The following MROH2B variants were observed in gnomAD, a reference collection of about 807,000 sequenced individuals.
The protein encoded by MROH2B is maestro heat-like repeat-containing protein family member 2B.
Under a neutral mutation model 208.6 loss-of-function variants are expected in MROH2B, and 177 were observed. The observed-to-expected ratio is 0.85, with a 90% CI of 0.75 to 0.96. The LOEUF (loss-of-function observed/expected upper bound fraction) is 0.96. Among genes scored for constraint, MROH2B ranks in the 40% least tolerant of loss-of-function variants. The pLI is 0.00. For missense variants in MROH2B, 2,002 were observed against 1,878.7 expected (o/e 1.07, Z -1.21); for synonymous variants, 728 against 659.0 (o/e 1.10, Z -1.60).
chr5:41,044,564 T>G (rs975171977), intron 18 of MROH2B, among the ~76,000 whole-genome samples: 2 of 152,210 alleles, frequency 1.3e-5, no homozygotes, highest in African/African-American at 4.8e-5. Flanking sequence ...AGCTGTTGAA[T>G]AAATAGCATG....
intron 6 of MROH2B, among the ~76,000 whole-genome samples, chr5:41,060,980 A>T (rs940161557): frequency 6.6e-6 from 1 of 152,238 alleles, no homozygotes; most frequent in Non-Finnish European, 1.5e-5. Flanking sequence ...GCTTAAAAAA[A>T]CTATAGCAAT....
intron 19 of MROH2B, among the ~76,000 whole-genome samples, chr5:41,041,586 T>C (rs1436771180): frequency 3.2e-4 from 48 of 152,176 alleles, no homozygotes. Flanking sequence ...ATCGTGTCAC[T>C]GCACTCCACC....
chr5:41,071,117 C>G lies in MROH2B; in HGVS notation c.-265G>C, dbSNP rs1210333114. ...TAACCAACAAAATGGCTGCATCTCA[C>G]CAAATATTGTCCCTTTGGTGACCAG... On this transcript the variant is annotated 5_prime_UTR_variant, in exon 1 of 42. Coordinates refer to ENST00000399564, the MANE Select transcript of MROH2B (RefSeq NM_173489.5). 4.7e-6 allele frequency: 2 copies of G among 421,072 alleles called. No individual in the cohort carries two copies. The highest frequency in any genetic ancestry group is 4.0e-5 in the African/African-American group (2 of 50,082). The allele number at this position is 421,072 out of a possible 1,614,324, so 26.1% of individuals were successfully genotyped here.
chr5:41,065,531 G>C, intron 3 of MROH2B, 41 bp from the exon 4 acceptor site: 1 of 1,567,056 alleles, frequency 6.4e-7, no homozygotes. Context: ...ACTAGAAAAG[G>C]GGCAGAGTGA....
chr5:41,020,104 T>C (rs13155145), intron 24 of MROH2B, among the ~76,000 whole-genome samples: 100,186 of 151,986 alleles, frequency 0.66, 33,541 homozygotes, highest in Non-Finnish European at 0.7. Flanking sequence ...GTGGCTGATC[T>C]GGATTAAGAT....
chr5:41,042,821 TC>T (rs1386679601), intron 18 of MROH2B, among the ~76,000 whole-genome samples: 1 of 152,178 alleles, frequency 6.6e-6, no homozygotes, highest in Non-Finnish European at 1.5e-5. Flanking sequence ...GCGAGGCTGA[TC>T]TCAGACTCCT....
chr5:41,045,711 A>G, intron 18 of MROH2B, 35 bp downstream of exon 18: 1 of 1,531,940 alleles, frequency 6.5e-7, no homozygotes. Flanking sequence ...GATCATAGGT[A>G]AAAGCTAAGG....
chr5:41,023,353 T>C (rs890184171), intron 24 of MROH2B, among the ~76,000 whole-genome samples: 4 of 152,174 alleles, frequency 2.6e-5, no homozygotes, highest in African/African-American at 9.7e-5. Context: ...TTAAATGACC[T>C]GATGGAGCTG....
At chr5:41,051,905 TTC>T (rs1743296420) in intron 12 of MROH2B, among the ~76,000 whole-genome samples, 1 of 152,212 alleles carries the variant, frequency 6.6e-6, no homozygotes, top group African/African-American at 2.4e-5. Context: ...ACAGATACAT[TTC>T]TGTTTGTGTA....
Position 41,005,523 on chromosome 5 carries a change from T to C in MROH2B, c.3864+8A>G. On this transcript the variant is annotated splice_region_variant and intron_variant, in intron 35 of 41. Coordinates refer to ENST00000399564, the MANE Select transcript of MROH2B (RefSeq NM_173489.5). Reference sequence around the variant, plus strand: ...AGTGAGTGTGCTCTGAGGGCTGTTCTCCCTTGCCTCAGAGAAGAAAGCTGC... The same window carrying C: ...AGTGAGTGTGCTCTGAGGGCTGTTCCCCCTTGCCTCAGAGAAGAAAGCTGC... 6.4e-7 allele frequency: 1 copy of C among 1,556,582 alleles called. No individual in the cohort carries two copies. The highest frequency in any genetic ancestry group is 8.7e-7 in the Non-Finnish European group (1 of 1,146,370).
At position 40,998,141 on chromosome 5, in the gene MROH2B, G is replaced by C. The variant is rs1440573477; in HGVS notation, c.4669C>G (p.Gln1557Glu). The C allele has an allele frequency of 1.9e-6, 3 of 1,611,476 alleles. No individual in the cohort carries two copies. Among genetic ancestry groups the C allele is most frequent in the Non-Finnish European group, 2.5e-6 (3 of 1,178,204 alleles). The stretch of plus-strand genomic sequence containing the variant: ...CTCTGGACACTAATACACGGATCTT[G>C]ACGAAGTGCTTGGAGTCCTGAAATG... Reference protein sequence around the residue: ...QLTTRLQALRQDPCISVQRAA... With the variant: ...QLTTRLQALREDPCISVQRAA... Residue 1557 changes from glutamine to glutamate, a missense_variant, in exon 42 of 42, where the codon CAA (glutamine) becomes GAA (glutamate). By Grantham distance (29) the Gln-to-Glu change is conservative (BLOSUM62 2). Coordinates refer to ENST00000399564, the MANE Select transcript of MROH2B (RefSeq NM_173489.5).
At chr5:41,027,297 AG>A (rs1464818393) in intron 24 of MROH2B, among the ~76,000 whole-genome samples, 2 of 152,236 alleles carry the variant, frequency 1.3e-5, no homozygotes, top group Non-Finnish European at 2.9e-5. Context: ...CATCTGACAA[AG>A]GGCTAATATC....
At position 41,070,815 on chromosome 5, in the gene MROH2B, T is replaced by A; in HGVS notation, c.28+10A>T. 1.2e-6 allele frequency: 2 copies of A among 1,610,034 alleles called. No individual in the cohort carries two copies. Among genetic ancestry groups the A allele is most frequent in the Non-Finnish European group, 1.7e-6 (2 of 1,178,004 alleles). Reference sequence around the variant, plus strand: ...AGAGCCTTGGCTTCTCAGGATCTGATGATGCTTACCTATGGATTCCTCTGT... The same window carrying A: ...AGAGCCTTGGCTTCTCAGGATCTGAAGATGCTTACCTATGGATTCCTCTGT... On this transcript the variant is annotated intron_variant, in intron 1 of 41. Coordinates refer to ENST00000399564, the MANE Select transcript of MROH2B (RefSeq NM_173489.5).
At chr5:41,003,547 T>C (rs963662974) in intron 37 of MROH2B, among the ~76,000 whole-genome samples, 7 of 152,234 alleles carry the variant, frequency 4.6e-5, no homozygotes, top group Non-Finnish European at 1.0e-4. Context: ...GAGCCTCATT[T>C]AGAGTTCCAA....
intron 21 of MROH2B, among the ~76,000 whole-genome samples, chr5:41,038,315 A>G (rs914227230): frequency 6.6e-6 from 1 of 152,178 alleles, no homozygotes; most frequent in African/African-American, 2.4e-5. Flanking sequence ...AAGTTCAAAC[A>G]AGGGTGAGAT....
At chr5:41,046,948 A>G (rs1743140452) in intron 17 of MROH2B, among the ~76,000 whole-genome samples, 1 of 152,172 alleles carries the variant, frequency 6.6e-6, no homozygotes, top group South Asian at 2.1e-4. Context: ...GTTCTCAGGT[A>G]CCACCCCCAG....
Position 41,018,369 on chromosome 5 carries a change from G to C in MROH2B, c.2735C>G (p.Thr912Ser), listed in dbSNP as rs1223756467. 1 of 1,613,334 alleles carries C rather than the reference G, an allele frequency of 6.2e-7. No homozygotes were observed. The highest frequency in any genetic ancestry group is 8.5e-7 in the Non-Finnish European group (1 of 1,179,738). Reference sequence around the variant, plus strand: ...AATATCATTTGTCAGCACTTTCGCAGTGATCTGGAAGGCTCTTTCTCTTTC... The same window carrying C: ...AATATCATTTGTCAGCACTTTCGCACTGATCTGGAAGGCTCTTTCTCTTTC... ...EWERERAFQITAKVLTNDIEA... is the reference protein window; with the variant it reads ...EWERERAFQISAKVLTNDIEA... Residue 912 changes from threonine (T) to serine (S), a missense_variant, in exon 27 of 42, where the codon ACT (threonine) becomes AGT (serine). By Grantham distance (58) the Thr-to-Ser change is moderately conservative. Transcript: ENST00000399564.
intron 17 of MROH2B, 41 bp downstream of exon 17, chr5:41,047,680 A>T: frequency 6.4e-7 from 1 of 1,554,888 alleles, no homozygotes; most frequent in Non-Finnish European, 8.7e-7. Context: ...AGCTGATTTC[A>T]TCATGCCATT....
chr5:41,004,465 T>C lies in MROH2B; in HGVS notation c.4075A>G (p.Thr1359Ala). The change falls in exon 37 of 42, where the codon ACT becomes GCT. Residue 1359 changes from threonine (T) to alanine (A), a missense_variant. Transcript: ENST00000399564. The part of the protein sequence containing the change: ...IIRGLYHLAR[T>A]EVVCESLKAL... ...TTCAAGCTTTCACAGACGACTTCAG[T>C]GCGAGCTAGGTGATACAGGCCTCTG... 6.2e-7 allele frequency: 1 copy of C among 1,614,018 alleles called. No homozygotes were observed. The highest frequency in any genetic ancestry group is 1.1e-5 in the South Asian group (1 of 91,084).
Sources: gnomAD v4.1 joint callset for allele counts (sites outside exome capture counted in the v4.1 genomes callset) on GRCh38, gnomAD v4.1.1 for gene constraint, MANE v1.5 for transcripts, NCBI Gene and HGNC (gene_info 2026-07-23, HGNC 2026-07-21) for gene names.